The following CBLB variants were observed in gnomAD, a reference collection of about 807,000 sequenced individuals.
CBLB encodes E3 ubiquitin-protein ligase CBL-B.
CBLB carries 31 observed loss-of-function variants against 104.9 expected under a neutral mutation model. That is an observed-to-expected ratio of 0.30 (90% confidence interval 0.22 to 0.40). The LOEUF is 0.40. Among genes scored for constraint, CBLB ranks in the 10% least tolerant of loss-of-function variants. The probability of loss-of-function intolerance (pLI) is 1.00; values close to 1 mark genes in which losing one functional copy is unlikely to be tolerated. For synonymous variants in CBLB, 440 were observed against 422.6 expected (o/e 1.04, Z -0.51); for missense variants, 1,062 against 1,214.6 (o/e 0.87, Z 1.87).
At chr3:105,823,410 A>C (rs904011638) in intron 3 of CBLB, among the ~76,000 whole-genome samples, 10 of 152,138 alleles carry the variant, frequency 6.6e-5, no homozygotes, top group African/African-American at 1.9e-4. Context: ...CTCTTGCTAT[A>C]CCTGTCTCCC....
intron 3 of CBLB, among the ~76,000 whole-genome samples, chr3:105,850,202 A>C (rs1464066251): frequency 6.6e-6 from 1 of 152,074 alleles, no homozygotes. Flanking sequence ...TTGAGAGAGA[A>C]AATTATAAAT....
rs79456363 is a variant in CBLB, at chr3:105,731,333, G to C, written c.1203+2676C>G. ...TAGTTCTTGGAAATTGAGACTTTAAGTGAAACAACTTACTGTATAATGAAA... is the reference window on the plus strand; with the variant it reads ...TAGTTCTTGGAAATTGAGACTTTAACTGAAACAACTTACTGTATAATGAAA... On this transcript the variant is annotated intron_variant, in intron 9 of 18. Transcript: ENST00000394030. Among the ~76,000 whole-genome samples, 302 of 152,262 alleles carry C rather than the reference G, an allele frequency of 2.0e-3. 2 individuals are homozygous for C. Among genetic ancestry groups the C allele is most frequent in the African/African-American group, 7.1e-3 (293 of 41,538 alleles).
chr3:105,832,162 T>C (rs2087638657), intron 3 of CBLB, among the ~76,000 whole-genome samples: 1 of 152,144 alleles, frequency 6.6e-6, no homozygotes, highest in Non-Finnish European at 1.5e-5. Flanking sequence ...ATGTGTACCA[T>C]AAAAAGATTC....
intron 3 of CBLB, among the ~76,000 whole-genome samples, chr3:105,838,229 A>T (rs1047701776): frequency 2.1e-5 from 3 of 140,044 alleles, no homozygotes; most frequent in African/African-American, 8.0e-5. Flanking sequence ...GACCACAGGC[A>T]TGGGCCAACA....
intron 18 of CBLB, among the ~76,000 whole-genome samples, chr3:105,663,124 T>C (rs13068630): frequency 4.0e-5 from 4 of 99,730 alleles, no homozygotes; most frequent in Admixed American, 1.1e-4. Context: ...AGACCTTCAC[T>C]ATCACAGTTA....
chr3:105,726,814 G>C (rs568897907), intron 9 of CBLB, among the ~76,000 whole-genome samples: 2 of 152,278 alleles, frequency 1.3e-5, no homozygotes, highest in South Asian at 4.1e-4. Context: ...TGGCTTTTCT[G>C]TTCTTGTGTT....
intron 12 of CBLB, among the ~76,000 whole-genome samples, chr3:105,695,429 T>G (rs1177277213): frequency 1.3e-5 from 2 of 151,778 alleles, no homozygotes; most frequent in African/African-American, 2.4e-5. Context: ...AATAAAATAC[T>G]AATAACAGAG....
chr3:105,685,425 CTT>C lies in CBLB; in HGVS notation c.2094_2095del (p.Asp700ProfsTer6). The C allele has an allele frequency of 6.2e-7, 1 of 1,613,330 alleles. No homozygotes were observed. Among genetic ancestry groups the C allele is most frequent in the Non-Finnish European group, 8.5e-7 (1 of 1,179,408 alleles). On this transcript the variant is annotated frameshift_variant, in exon 14 of 19. Transcript: ENST00000394030. LOFTEE classifies it high-confidence loss of function. ...ATCATCATCTTCCTCTACTGGGTCT[CTT>C]GTTTTCTCTGAAAGAGAATTTGCTA...
intron 10 of CBLB, among the ~76,000 whole-genome samples, chr3:105,714,030 G>A (rs760881157): frequency 1.4e-4 from 22 of 152,262 alleles, no homozygotes; most frequent in Non-Finnish European, 2.4e-4. Flanking sequence ...TCTGCATTTC[G>A]AATGTCTATT....
intron 3 of CBLB, among the ~76,000 whole-genome samples, chr3:105,826,096 G>A (rs12637532): frequency 1.8e-4 from 28 of 151,544 alleles, no homozygotes; most frequent in African/African-American, 6.3e-4. Flanking sequence ...GCATGACACG[G>A]CTCCAGCATG....
At chr3:105,776,718 T>C (rs1012059977) in intron 3 of CBLB, among the ~76,000 whole-genome samples, 176 bp from the exon 4 acceptor site, 1 of 152,190 alleles carries the variant, frequency 6.6e-6, no homozygotes, top group Non-Finnish European at 1.5e-5. Flanking sequence ...ATGAAAACAT[T>C]GTACATTTAA....
chr3:105,700,119 C>G (rs2068880636), intron 12 of CBLB, among the ~76,000 whole-genome samples: 1 of 151,986 alleles, frequency 6.6e-6, no homozygotes, highest in Non-Finnish European at 1.5e-5. Context: ...GTTTTTATAA[C>G]TGAACTCACA....
intron 3 of CBLB, among the ~76,000 whole-genome samples, chr3:105,793,129 C>CA (rs1205987409): frequency 6.6e-6 from 1 of 152,016 alleles, no homozygotes; most frequent in African/African-American, 2.4e-5. Flanking sequence ...AACCTCTAAT[C>CA]AAAAGAGAAA....
intron 3 of CBLB, among the ~76,000 whole-genome samples, chr3:105,784,236 G>A (rs2080682511): frequency 6.6e-6 from 1 of 152,018 alleles, no homozygotes; most frequent in South Asian, 2.1e-4. Flanking sequence ...CCACTCCATT[G>A]AGACAAAAAA....
At chr3:105,792,673 G>C (rs532623586) in intron 3 of CBLB, among the ~76,000 whole-genome samples, 7 of 152,228 alleles carry the variant, frequency 4.6e-5, no homozygotes, top group African/African-American at 1.4e-4. Flanking sequence ...TCAGAAAGAG[G>C]GCGGCTCTTT....
At chr3:105,685,195 A>G (rs2066856948) in intron 14 of CBLB, 125 bp downstream of exon 14, 1 of 836,472 alleles carries the variant, frequency 1.2e-6, no homozygotes, top group Non-Finnish European at 2.0e-6. Flanking sequence ...TATAATAGGA[A>G]GAGAAGGATT....
At chr3:105,759,721 G>T (rs1425916208) in intron 4 of CBLB, among the ~76,000 whole-genome samples, 1 of 152,202 alleles carries the variant, frequency 6.6e-6, no homozygotes, top group Non-Finnish European at 1.5e-5. Context: ...CAGACAGCAG[G>T]AGCAGGCACT....
At chr3:105,662,520 T>C (rs2063886898) in intron 18 of CBLB, among the ~76,000 whole-genome samples, 1 of 152,196 alleles carries the variant, frequency 6.6e-6, no homozygotes, top group Non-Finnish European at 1.5e-5. Context: ...TGCAGTGGTA[T>C]CAAAATAAGT....
chr3:105,858,444 G>A (rs2091815177), intron 2 of CBLB, among the ~76,000 whole-genome samples: 1 of 152,182 alleles, frequency 6.6e-6, no homozygotes, highest in African/African-American at 2.4e-5. Context: ...CCAGGGTCAA[G>A]TTCAGATTCA....
Sources: allele counts gnomAD v4.1 joint callset (sites outside exome capture counted in the v4.1 genomes callset), GRCh38; gene constraint gnomAD v4.1.1; transcripts MANE v1.5; gene names NCBI Gene and HGNC (gene_info 2026-07-23, HGNC 2026-07-21).